Variants in TRPC5OS observed in about 807,000 individuals in gnomAD.
TRPC5OS encodes the protein TRPC5 opposite strand, also known as putative uncharacterized protein TRPC5OS.
For synonymous variants in TRPC5OS, 30 were observed against 29.3 expected (o/e 1.02, Z -0.08); for missense variants, 64 against 79.3 (o/e 0.81, Z 0.73).
intron 1 of TRPC5OS, among the ~76,000 whole-genome samples, chrX:111,890,526 T>C (rs1269227008): frequency 9.0e-6 from 1 of 110,687 alleles, no homozygotes; most frequent in Non-Finnish European, 1.9e-5. Context: ...CGGGTTTTAG[T>C]ATCTGTGGAA....
chrX:111,878,671 T>C (rs1448900108), intron 1 of TRPC5OS, among the ~76,000 whole-genome samples: 1 of 111,386 alleles, frequency 9.0e-6, no homozygotes, highest in Non-Finnish European at 1.9e-5. Context: ...TCTCCAGACA[T>C]TGCCAAATGC....
chrX:111,899,090 C>T lies in TRPC5OS; in HGVS notation c.-310-2450C>T, dbSNP rs1272985453. Among the ~76,000 whole-genome samples, 5 of 110,299 alleles carry T rather than the reference C, an allele frequency of 4.5e-5. No individual in the cohort carries two copies. In the East Asian group the frequency reaches 1.4e-3, roughly 31 times the overall value. On this transcript the variant is annotated intron_variant, in intron 3 of 3. Transcript: ENST00000635763. The stretch of plus-strand genomic sequence containing the variant: ...AATACTTAGCAGTTTCTTCAAGTTT[C>T]TCCTTGCCCTCTCCTCACCCACTAG...
intron 1 of TRPC5OS, among the ~76,000 whole-genome samples, chrX:111,885,108 GCC>G (rs1924414599): frequency 8.8e-6 from 1 of 113,063 alleles, no homozygotes; most frequent in Non-Finnish European, 1.9e-5. Flanking sequence ...CCAGGCTTAT[GCC>G]TAGTTAAGTC....
intron 3 of TRPC5OS, among the ~76,000 whole-genome samples, chrX:111,900,316 A>C (rs1925277575): frequency 9.0e-6 from 1 of 111,630 alleles, no homozygotes; most frequent in Non-Finnish European, 1.9e-5. Context: ...CCTGACTGGG[A>C]CTGGAGAAAG....
At chrX:111,888,851 G>A (rs1220902531) in intron 1 of TRPC5OS, among the ~76,000 whole-genome samples, 2 of 111,368 alleles carry the variant, frequency 1.8e-5, no homozygotes, top group Non-Finnish European at 3.8e-5. Context: ...TGATCAGATT[G>A]TGGATATGTT....
intron 1 of TRPC5OS, among the ~76,000 whole-genome samples, chrX:111,885,295 A>G (rs1029412787): frequency 8.9e-6 from 1 of 112,272 alleles, no homozygotes; most frequent in Non-Finnish European, 1.9e-5. Flanking sequence ...TCTAGAAAGG[A>G]CTAAGCTTAG....
rs1190549686 is a variant in TRPC5OS at position 111,901,867 on chromosome X, T to G, written c.18T>G (p.Ile6Met). The G allele has an allele frequency of 8.8e-7, 1 of 1,142,785 alleles. No homozygotes were observed. The highest frequency in any genetic ancestry group is 1.8e-5 in the African/African-American group (1 of 55,890). The allele number at this position is 1,142,785 out of a possible 1,213,427, so 94.2% of individuals were successfully genotyped here. ...ACTGCAGCATGGATTCTGTGTTAAT[T>G]CATGTACTCATTGATGGACTTGTTG... The part of the protein sequence containing the change: MDSVL[I>M]HVLIDGLVAC... Residue 6 changes from isoleucine to methionine, a missense_variant, in exon 4 of 4, where the codon ATT becomes ATG. Ile to Met is a conservative substitution (Grantham distance 10, BLOSUM62 1). Coordinates refer to ENST00000635763, the MANE Select transcript of TRPC5OS (RefSeq NM_001195578.2).
chrX:111,893,419 T>C (rs1353773645), intron 1 of TRPC5OS, among the ~76,000 whole-genome samples: 1 of 111,762 alleles, frequency 8.9e-6, no homozygotes, highest in Non-Finnish European at 1.9e-5. Flanking sequence ...CAGGTTAAGA[T>C]TGAGTGTCTA....
intron 1 of TRPC5OS, among the ~76,000 whole-genome samples, chrX:111,894,224 T>TAAAGATAGA (rs1183453884): frequency 1.8e-5 from 2 of 111,796 alleles, no homozygotes; most frequent in African/African-American, 6.5e-5. Context: ...TTATCAACTA[T>TAAAGATAGA]AAAGATAGAC....
intron 1 of TRPC5OS, among the ~76,000 whole-genome samples, chrX:111,881,146 GTTTATTTTATTTTATTTTATTTTAT>G (rs747702186): frequency 2.0e-5 from 2 of 101,141 alleles, no homozygotes; most frequent in African/African-American, 8.4e-5. Context: ...ATTTTCTTTT[GTTTATTTTATTTTATTTTATTTTAT>G]TTTATTTTAT....
intron 1 of TRPC5OS, among the ~76,000 whole-genome samples, chrX:111,888,693 CAAAAAAAAAAAAAA>C (rs753735549): frequency 6.4e-4 from 7 of 10,985 alleles, no homozygotes; most frequent in East Asian, 3.5e-3. Flanking sequence ...GACTCTATCT[CAAAAAAAAAAAAAA>C]AAAAAAAAAA....
chrX:111,887,074 T>G (rs1403840718), intron 1 of TRPC5OS, among the ~76,000 whole-genome samples: 2 of 112,502 alleles, frequency 1.8e-5, no homozygotes, highest in Non-Finnish European at 3.8e-5. Context: ...GCTTTCAACA[T>G]GGGCAGTTAG....
At chrX:111,889,887 T>C (rs765189828) in intron 1 of TRPC5OS, among the ~76,000 whole-genome samples, 1 of 111,551 alleles carries the variant, frequency 9.0e-6, no homozygotes, top group South Asian at 3.8e-4. Context: ...AGCTAGGCTT[T>C]TTGTATCTTT....
intron 1 of TRPC5OS, among the ~76,000 whole-genome samples, chrX:111,883,869 C>T (rs770958215): frequency 8.9e-5 from 10 of 112,725 alleles, no homozygotes; most frequent in African/African-American, 2.9e-4. Context: ...CTAATCAGAA[C>T]TTAGTTAAGA....
chrX:111,901,825 T>C lies in TRPC5OS; in HGVS notation c.-25T>C, dbSNP rs1276601475. The C allele has an allele frequency of 9.5e-7, 1 of 1,056,394 alleles. No homozygotes were observed. The highest frequency in any genetic ancestry group is 3.3e-5 in the East Asian group (1 of 30,060). 87.1% of individuals were successfully genotyped at this position (1,056,394 alleles called of 1,213,427 possible). On this transcript the variant is annotated 5_prime_UTR_variant, in exon 4 of 4. Coordinates refer to ENST00000635763, the MANE Select transcript of TRPC5OS (RefSeq NM_001195578.2). ...TTTGCTAGAGCTTTTAGTGATATTT[T>C]ATCTATTTAGAAGAGCACTGCAGCA...
rs190802422 is a variant in TRPC5OS at position 111,882,819 on chromosome X, C to T, written c.-546+6546C>T. Among the ~76,000 whole-genome samples the T allele has an allele frequency of 6.2e-5, 7 of 112,440 alleles. No homozygotes were observed. In the Admixed American group the frequency reaches 6.5e-4, roughly 11 times the overall value. ...AGTCAGAGCCGGCTGGGCGCTGTGG[C>T]TCATGCCTGTAATCCCAGCACTTTG... On this transcript the variant is annotated intron_variant, in intron 1 of 3. Coordinates refer to ENST00000635763, the MANE Select transcript of TRPC5OS (RefSeq NM_001195578.2).
intron 1 of TRPC5OS, among the ~76,000 whole-genome samples, chrX:111,879,969 C>T (rs898649036): frequency 9.0e-6 from 1 of 111,238 alleles, no homozygotes; most frequent in Non-Finnish European, 1.9e-5. Context: ...GAAGGAAGAA[C>T]CGAAGACCAA....
chrX:111,884,524 G>A (rs1007298582), intron 1 of TRPC5OS, among the ~76,000 whole-genome samples: 1 of 112,897 alleles, frequency 8.9e-6, no homozygotes, highest in African/African-American at 3.2e-5. Flanking sequence ...GGCCTAACCA[G>A]GGCCAAAGCC....
At chrX:111,884,922 T>A (rs985383306) in intron 1 of TRPC5OS, among the ~76,000 whole-genome samples, 2 of 112,394 alleles carry the variant, frequency 1.8e-5, no homozygotes, top group Non-Finnish European at 3.8e-5. Context: ...AGACTTTAGT[T>A]AAGTTCTAGC....
Sources: gnomAD v4.1 joint callset for allele counts (sites outside exome capture counted in the v4.1 genomes callset) on GRCh38, gnomAD v4.1.1 for gene constraint, MANE v1.5 for transcripts, NCBI Gene and HGNC (gene_info 2026-07-23, HGNC 2026-07-21) for gene names.